CACNB2: variants seen among roughly 807,000 people sequenced by gnomAD.
CACNB2 encodes voltage-dependent L-type calcium channel subunit beta-2.
Under a neutral mutation model 73.3 loss-of-function variants are expected in CACNB2, and 42 were observed. That is an observed-to-expected ratio of 0.57 (90% CI 0.45 to 0.74). CACNB2 has a LOEUF of 0.74. Among genes scored for constraint, CACNB2 ranks in the 30% least tolerant of loss-of-function variants. CACNB2 has a pLI of 0.00. For missense variants in CACNB2, 940 were observed against 853.0 expected, an observed-to-expected ratio of 1.10 and a Z score of -1.27; for synonymous variants, 348 against 310.3, an observed-to-expected ratio of 1.12 and a Z score of -1.28.
intron 9 of CACNB2, chr10:18,519,623 A>G (rs1484898833): frequency 2.3e-6 from 1 of 438,668 alleles, no homozygotes; most frequent in East Asian, 7.0e-5. Flanking sequence ...TTCCTGTTCT[A>G]ATGGAAACTC....
chr10:18,384,053 T>C (rs2043126450), intron 2 of CACNB2, among the ~76,000 whole-genome samples: 1 of 152,186 alleles, frequency 6.6e-6, no homozygotes, highest in Admixed American at 6.5e-5. Flanking sequence ...AAATCTGTGA[T>C]CTTTCACATT....
chr10:18,240,070 G>A (rs557838539), intron 2 of CACNB2, among the ~76,000 whole-genome samples: 3 of 152,102 alleles, frequency 2.0e-5, no homozygotes, highest in Non-Finnish European at 2.9e-5. Flanking sequence ...CTTCAGTATG[G>A]CAACTTATGT....
At chr10:18,417,463 G>A (rs1280268538) in intron 3 of CACNB2, among the ~76,000 whole-genome samples, 1 of 147,174 alleles carries the variant, frequency 6.8e-6, no homozygotes, top group Non-Finnish European at 1.5e-5. Flanking sequence ...CTGCCTCCCG[G>A]GTTCAAGCGA....
At chr10:18,482,636 G>A (rs1049240904) in intron 3 of CACNB2, among the ~76,000 whole-genome samples, 2 of 151,986 alleles carry the variant, frequency 1.3e-5, no homozygotes, top group Non-Finnish European at 2.9e-5. Context: ...TCAACCTCCT[G>A]GGTAGGTGGG....
chr10:18,227,322 AG>A (rs2036031182), intron 2 of CACNB2, among the ~76,000 whole-genome samples: 1 of 151,900 alleles, frequency 6.6e-6, no homozygotes, highest in Non-Finnish European at 1.5e-5. Flanking sequence ...CTGGATGGCC[AG>A]GGGGAGGATT....
chr10:18,536,015 G>T, intron 11 of CACNB2, 86 bp from the exon 12 acceptor site: 1 of 772,160 alleles, frequency 1.3e-6, no homozygotes, highest in Non-Finnish European at 2.3e-6. Context: ...TATATAAAAA[G>T]GCCCCAGAGA....
intron 2 of CACNB2, among the ~76,000 whole-genome samples, chr10:18,264,929 CAT>C (rs1294633519): frequency 1.3e-5 from 2 of 152,134 alleles, no homozygotes; most frequent in Non-Finnish European, 2.9e-5. Context: ...AGTATAAATA[CAT>C]TGTGCTTAAG....
chr10:18,529,671 A>C (rs752169557), intron 10 of CACNB2, among the ~76,000 whole-genome samples: 1 of 152,248 alleles, frequency 6.6e-6, no homozygotes, highest in Non-Finnish European at 1.5e-5. Context: ...ATATTGTTTT[A>C]AAAAGAAGGA....
intron 2 of CACNB2, among the ~76,000 whole-genome samples, chr10:18,338,673 CTCTCCT>C (rs1359365839): frequency 3.0e-5 from 3 of 100,076 alleles, no homozygotes; most frequent in Middle Eastern, 5.4e-3. Flanking sequence ...CTTTTTTTCT[CTCTCCT>C]TCCTTCCTTC....
intron 3 of CACNB2, among the ~76,000 whole-genome samples, chr10:18,442,450 G>C (rs112496760): frequency 6.6e-6 from 1 of 151,592 alleles, no homozygotes; most frequent in South Asian, 2.1e-4. Context: ...ACGCCTGGCC[G>C]AATCTGGTTC....
chr10:18,474,837 A>T (rs531997621), intron 3 of CACNB2, among the ~76,000 whole-genome samples: 1 of 151,944 alleles, frequency 6.6e-6, no homozygotes, highest in East Asian at 1.9e-4. Flanking sequence ...CTGCAATTCA[A>T]TTCTGACCTT....
intron 2 of CACNB2, among the ~76,000 whole-genome samples, chr10:18,168,533 T>C (rs920750647): frequency 4.0e-5 from 6 of 148,288 alleles, no homozygotes; most frequent in Non-Finnish European, 7.6e-5. Flanking sequence ...GTGTGTGTTT[T>C]GTTGCTGTTG....
chr10:18,167,572 C>T (rs1302973079), intron 2 of CACNB2, among the ~76,000 whole-genome samples: 1 of 152,148 alleles, frequency 6.6e-6, no homozygotes, highest in Non-Finnish European at 1.5e-5. Flanking sequence ...TGCATCTCAT[C>T]TCAGAAATGC....
At chr10:18,491,240 C>T (rs147493431) in intron 3 of CACNB2, among the ~76,000 whole-genome samples, 1 of 152,172 alleles carries the variant, frequency 6.6e-6, no homozygotes, top group African/African-American at 2.4e-5. Flanking sequence ...CAGGAGTGAA[C>T]TAGGAATGAG....
chr10:18,427,642 T>C (rs1431755411), intron 3 of CACNB2, among the ~76,000 whole-genome samples: 2 of 152,228 alleles, frequency 1.3e-5, no homozygotes, highest in South Asian at 4.1e-4. Context: ...GATTTGACTA[T>C]TGATTCAAAT....
At chr10:18,448,962 G>A (rs919783888) in intron 3 of CACNB2, among the ~76,000 whole-genome samples, 1 of 152,228 alleles carries the variant, frequency 6.6e-6, no homozygotes, top group Admixed American at 6.5e-5. Flanking sequence ...ATGATACTGT[G>A]AGCCCAGTGC....
At chr10:18,450,026 A>G (rs1330804574) in intron 3 of CACNB2, among the ~76,000 whole-genome samples, 2 of 152,226 alleles carry the variant, frequency 1.3e-5, no homozygotes, top group African/African-American at 2.4e-5. Context: ...ATCAGGCTCA[A>G]TGGCAACAAA....
chr10:18,323,255 G>T (rs2040461247), intron 2 of CACNB2, among the ~76,000 whole-genome samples: 1 of 151,776 alleles, frequency 6.6e-6, no homozygotes, highest in African/African-American at 2.4e-5. Flanking sequence ...CACTGCTCCT[G>T]GCCTCTCCTT....
chr10:18,451,728 G>A (rs1227412046), intron 3 of CACNB2, among the ~76,000 whole-genome samples: 2 of 152,156 alleles, frequency 1.3e-5, no homozygotes, highest in African/African-American at 4.8e-5. Context: ...TCTGGGGTAT[G>A]TCTTATGCTC....
Sources: gnomAD v4.1 joint callset for allele counts (sites outside exome capture counted in the v4.1 genomes callset) on GRCh38, gnomAD v4.1.1 for gene constraint, MANE v1.5 for transcripts, NCBI Gene and HGNC (gene_info 2026-07-23, HGNC 2026-07-21) for gene names.